Variants in MYO5A observed in about 807,000 individuals in gnomAD.
MYO5A encodes myosin VA.
A neutral mutation model predicts 249.7 loss-of-function variants in MYO5A; 98 were observed. The observed-to-expected ratio is 0.39, with a 90% CI of 0.33 to 0.46. The LOEUF is 0.46. Among genes scored for constraint, MYO5A ranks in the 20% least tolerant of loss-of-function variants. The probability of loss-of-function intolerance (pLI) is 0.98; values close to 1 mark genes in which losing one functional copy is unlikely to be tolerated. For missense variants in MYO5A, 1,696 were observed against 2,308.8 expected (o/e 0.73, Z 5.44); for synonymous variants, 778 against 810.6 (o/e 0.96, Z 0.68).
intron 1 of MYO5A, among the ~76,000 whole-genome samples, chr15:52,439,237 G>C (rs1453699552): frequency 6.6e-6 from 1 of 152,192 alleles, no homozygotes; most frequent in Non-Finnish European, 1.5e-5. Context: ...CACCATCTTG[G>C]GAGCTCTGGG....
intron 1 of MYO5A, among the ~76,000 whole-genome samples, chr15:52,470,518 C>G (rs563848948): frequency 2.0e-4 from 30 of 152,158 alleles, no homozygotes; most frequent in East Asian, 1.9e-3. Context: ...GGCGTGGTGG[C>G]GCATCTCTGT....
chr15:52,366,770 A>C (rs1313643029), intron 23 of MYO5A, among the ~76,000 whole-genome samples: 2 of 152,198 alleles, frequency 1.3e-5, no homozygotes, highest in Non-Finnish European at 2.9e-5. Flanking sequence ...TAATTTTAAA[A>C]AAAAATTACA....
intron 1 of MYO5A, chr15:52,505,847 C>T: frequency 1.9e-6 from 3 of 1,583,718 alleles, no homozygotes; most frequent in Non-Finnish European, 2.6e-6. Context: ...GATGTGGCTG[C>T]TTTCAACAAG....
chr15:52,389,373 T>A lies in MYO5A; in HGVS notation c.1543-10A>T. 6.2e-7 allele frequency: 1 copy of A among 1,607,624 alleles called. No individual in the cohort carries two copies. The highest frequency in any genetic ancestry group is 8.5e-7 in the Non-Finnish European group (1 of 1,176,624). Reference sequence around the variant, plus strand: ...CTGTGCCTTTAGGCATCTATATTCATGGAAAAAAGGAAGAAAGAAAACAAG... The same window carrying A: ...CTGTGCCTTTAGGCATCTATATTCAAGGAAAAAAGGAAGAAAGAAAACAAG... On this transcript the variant is annotated splice_polypyrimidine_tract_variant and intron_variant, in intron 12 of 41. Coordinates refer to ENST00000399233, the MANE Select transcript of MYO5A (RefSeq NM_001382347.1).
intron 9 of MYO5A, among the ~76,000 whole-genome samples, chr15:52,402,531 T>C (rs556967288): frequency 4.6e-5 from 7 of 152,212 alleles, no homozygotes; most frequent in Admixed American, 2.0e-4. Context: ...CAAATAGAGA[T>C]GTCTTACCAG....
intron 9 of MYO5A, among the ~76,000 whole-genome samples, chr15:52,402,670 C>A (rs2042815180): frequency 6.6e-6 from 1 of 152,008 alleles, no homozygotes; most frequent in Admixed American, 6.5e-5. Flanking sequence ...CATGGTGAAA[C>A]CCTGTCTCTA....
chr15:52,343,201 C>T lies in MYO5A; in HGVS notation c.3960-4G>A. On this transcript the variant is annotated splice_region_variant and splice_polypyrimidine_tract_variant and intron_variant, in intron 30 of 41. Coordinates refer to ENST00000399233, the MANE Select transcript of MYO5A (RefSeq NM_001382347.1). ...ATGGTAATCCAGAGCAGATGATCTT[C>T]CATGCAAAAGGAACAACAATGCAAA... 3.7e-6 allele frequency: 6 copies of T among 1,612,558 alleles called. No homozygotes were observed. Among genetic ancestry groups the T allele is most frequent in the Non-Finnish European group, 5.1e-6 (6 of 1,178,592 alleles).
chr15:52,376,584 C>T (rs1206861606), intron 18 of MYO5A, 26 bp from the exon 19 acceptor site: 1 of 1,584,890 alleles, frequency 6.3e-7, no homozygotes, highest in Middle Eastern at 1.7e-4. Flanking sequence ...ATTGTATATT[C>T]AGAAATAATA....
At position 52,397,272 on chromosome 15, in the gene MYO5A, T is replaced by C; in HGVS notation, c.1248A>G (p.Val416=). The change falls in exon 10 of 42, where the codon GTA becomes GTG. Residue 416 remains valine (V), a synonymous_variant. Coordinates refer to ENST00000399233, the MANE Select transcript of MYO5A (RefSeq NM_001382347.1). ...HIYAKLFNWI[V]DNVNQALHSA... ...AATGGAGAGCCTGATTGACATTATCTACAATCCAGTTAAAGAGCTTGGCAT... is the reference window on the plus strand; with the variant it reads ...AATGGAGAGCCTGATTGACATTATCCACAATCCAGTTAAAGAGCTTGGCAT... 1.3e-5 allele frequency: 21 copies of C among 1,614,110 alleles called. No individual in the cohort carries two copies. Among genetic ancestry groups the C allele is most frequent in the Non-Finnish European group, 1.8e-5 (21 of 1,179,980 alleles).
intron 16 of MYO5A, among the ~76,000 whole-genome samples, chr15:52,381,734 C>T (rs993351702): frequency 6.6e-6 from 1 of 151,164 alleles, no homozygotes; most frequent in Non-Finnish European, 1.5e-5. Flanking sequence ...GACTAAACAG[C>T]AATCATAGCA....
At chr15:52,360,591 A>G (rs915867794) in intron 24 of MYO5A, among the ~76,000 whole-genome samples, 8 of 152,204 alleles carry the variant, frequency 5.3e-5, no homozygotes, top group African/African-American at 1.9e-4. Flanking sequence ...TTAATACGTG[A>G]AGTTAAATCT....
intron 36 of MYO5A, among the ~76,000 whole-genome samples, chr15:52,326,311 C>T (rs2038602702): frequency 1.3e-5 from 2 of 152,188 alleles, no homozygotes; most frequent in South Asian, 4.1e-4. Flanking sequence ...TTTTTTCTCT[C>T]TCTAGGAGTT....
chr15:52,410,714 A>T (rs1184271794), intron 5 of MYO5A, among the ~76,000 whole-genome samples: 1 of 151,090 alleles, frequency 6.6e-6, no homozygotes, highest in Non-Finnish European at 1.5e-5. Context: ...AGCCTCTGGG[A>T]TTACAGGCAC....
intron 9 of MYO5A, among the ~76,000 whole-genome samples, chr15:52,403,602 A>C (rs1306944323): frequency 6.6e-6 from 1 of 152,230 alleles, no homozygotes; most frequent in Non-Finnish European, 1.5e-5. Flanking sequence ...TTGAGGTCAC[A>C]GAAATATTTT....
rs542910641 is a variant in MYO5A at position 52,477,268 on chromosome 15, C to T, written c.28-43983G>A. 2.2e-4 allele frequency among the ~76,000 whole-genome samples: 34 copies of T among 152,294 alleles called. No individual in the cohort carries two copies. In the East Asian group the frequency reaches 3.7e-3, roughly 16 times the overall value. On this transcript the variant is annotated intron_variant, in intron 1 of 41. Transcript: ENST00000399233. ...CAGGTAATTTAAGGTCTTCTCTACG[C>T]TGTTTACTCTAGTTAGCCATTCGTC... is the stretch of plus-strand genomic sequence containing the variant.
chr15:52,496,636 T>C (rs574892249), intron 1 of MYO5A, among the ~76,000 whole-genome samples: 3 of 152,212 alleles, frequency 2.0e-5, no homozygotes, highest in Non-Finnish European at 4.4e-5. Context: ...GACATTATCA[T>C]GAAGGACGCA....
intron 25 of MYO5A, among the ~76,000 whole-genome samples, chr15:52,355,297 C>T (rs2040161855): frequency 6.6e-6 from 1 of 152,150 alleles, no homozygotes. Context: ...ATTCAACCAA[C>T]TGTGGATCAA....
At chr15:52,331,736 G>A (rs2038897880) in intron 34 of MYO5A, 2 of 985,396 alleles carry the variant, frequency 2.0e-6, no homozygotes, top group South Asian at 9.4e-5. Context: ...GGAGCCTGGT[G>A]ACACACCGTC....
chr15:52,428,619 G>A (rs1261328329), intron 2 of MYO5A, 50 bp from the exon 3 acceptor site: 2 of 1,590,240 alleles, frequency 1.3e-6, no homozygotes, highest in South Asian at 1.1e-5. Context: ...CAAGGACTGT[G>A]AAAGAGGCCC....
Sources: allele counts gnomAD v4.1 joint callset (sites outside exome capture counted in the v4.1 genomes callset), GRCh38; gene constraint gnomAD v4.1.1; transcripts MANE v1.5; gene names NCBI Gene and HGNC (gene_info 2026-07-23, HGNC 2026-07-21).